Variants in RPAP2 observed in about 807,000 individuals in gnomAD.
RPAP2 encodes RNA polymerase II associated protein 2.
A neutral mutation model predicts 73.1 loss-of-function variants in RPAP2; 52 were observed. That is an observed-to-expected ratio of 0.71 (90% confidence interval 0.57 to 0.90). The LOEUF (loss-of-function observed/expected upper bound fraction) is 0.90, where lower values mean the gene tolerates loss of function less well. Ranked by LOEUF, RPAP2 falls within the 40% of genes least tolerant of loss-of-function variation. The pLI, the probability that RPAP2 is intolerant of heterozygous loss-of-function variation, is 0.00. For synonymous variants in RPAP2, 225 were observed against 242.1 expected, an observed-to-expected ratio of 0.93 and a Z score of 0.65; for missense variants, 598 against 701.8, an observed-to-expected ratio of 0.85 and a Z score of 1.67.
chr1:92,334,478 T>G (rs922625406), intron 9 of RPAP2, among the ~76,000 whole-genome samples: 23 of 152,172 alleles, frequency 1.5e-4, no homozygotes, highest in African/African-American at 5.3e-4. Flanking sequence ...CCTTTGTATT[T>G]AGAGATAAAA....
intron 12 of RPAP2, among the ~76,000 whole-genome samples, chr1:92,384,287 A>G (rs768517561): frequency 1.3e-5 from 2 of 152,048 alleles, no homozygotes; most frequent in African/African-American, 4.8e-5. Flanking sequence ...ATCTCTAAAT[A>G]TACAGGAAAG....
chr1:92,336,654 G>A (rs187526072), intron 10 of RPAP2, among the ~76,000 whole-genome samples: 279 of 151,946 alleles, frequency 1.8e-3, no homozygotes, highest in Admixed American at 5.6e-3. Context: ...GTTTATTTAC[G>A]GAATAGCCTA....
rs1650564309 is a variant in RPAP2 at position 92,299,083 on chromosome 1, T to A, written c.10T>A (p.Phe4Ile). 3 of 1,509,404 alleles carry A rather than the reference T, an allele frequency of 2.0e-6. No individual in the cohort carries two copies. Among genetic ancestry groups the A allele is most frequent in the Non-Finnish European group, 2.7e-6 (3 of 1,124,950 alleles). 93.5% of individuals were successfully genotyped at this position (1,509,404 alleles called of 1,614,324 possible). MAD[F>I]AGPSSAGRKA... ...CAGACTACTCTCCCCCATGGCGGACTTCGCTGGGCCGTCTTCTGCCGGCCG... is the reference window on the plus strand; with the variant it reads ...CAGACTACTCTCCCCCATGGCGGACATCGCTGGGCCGTCTTCTGCCGGCCG... The change falls in exon 1 of 13, where the codon TTC becomes ATC. Residue 4 changes from phenylalanine to isoleucine, a missense_variant. Phe to Ile is a conservative substitution (Grantham distance 21). Around this residue, in one of 3 missense-constraint regions of RPAP2, gnomAD observed 77 missense variants for 55.7 expected, o/e 1.38. Transcript: ENST00000610020.
At chr1:92,385,173 C>CAA (rs10708018) in intron 12 of RPAP2, among the ~76,000 whole-genome samples, 3 of 123,008 alleles carry the variant, frequency 2.4e-5, no homozygotes, top group Non-Finnish European at 3.5e-5. Flanking sequence ...GACCCTGTCT[C>CAA]AAAAAAAAAA....
intron 11 of RPAP2, among the ~76,000 whole-genome samples, chr1:92,346,549 A>G (rs1301620494): frequency 6.6e-6 from 1 of 152,208 alleles, no homozygotes; most frequent in Non-Finnish European, 1.5e-5. Flanking sequence ...AGTCTATTAT[A>G]TTAACATTGA....
At chr1:92,374,641 C>T (rs946610000) in intron 11 of RPAP2, among the ~76,000 whole-genome samples, 2 of 152,150 alleles carry the variant, frequency 1.3e-5, no homozygotes, top group Non-Finnish European at 2.9e-5. Context: ...TATAGTTGAT[C>T]AAAACCATAG....
intron 10 of RPAP2, among the ~76,000 whole-genome samples, chr1:92,339,596 A>T (rs926490157): frequency 6.6e-6 from 1 of 152,096 alleles, no homozygotes; most frequent in Non-Finnish European, 1.5e-5. Context: ...GGTAATAGTG[A>T]CATTTCTATT....
In RPAP2 at chr1:92,389,808, A is replaced by C. The variant is rs1353292418; in HGVS notation, c.*2797A>C. ...GAAAGGATATCAGTAACTGAAGATC[A>C]AATTAATGAAATAAAGCGAGAGGAC... is the stretch of plus-strand genomic sequence containing the variant. On this transcript the variant is annotated 3_prime_UTR_variant, in exon 13 of 13. Transcript: ENST00000610020. 1 of 152,236 alleles carries C rather than the reference A, an allele frequency of 6.6e-6. No individual in the cohort carries two copies. Among genetic ancestry groups the C allele is most frequent in the Non-Finnish European group, 1.5e-5 (1 of 68,042 alleles). The allele number at this position is 152,236 out of a possible 1,614,324, so 9.4% of individuals were successfully genotyped here. A position where few individuals can be genotyped will look rare whatever the true frequency, so the allele number is the denominator to read the frequency against.
chr1:92,319,553 C>T (rs1417023803), intron 6 of RPAP2, among the ~76,000 whole-genome samples: 1 of 151,982 alleles, frequency 6.6e-6, no homozygotes, highest in Admixed American at 6.6e-5. Context: ...CAGTGGGGAG[C>T]GAGGGGTTGT....
chr1:92,309,180 ACACCTGTAATCCC>A (rs1171911783), intron 6 of RPAP2, among the ~76,000 whole-genome samples: 1 of 152,134 alleles, frequency 6.6e-6, no homozygotes, highest in Non-Finnish European at 1.5e-5. Flanking sequence ...GTGGTGGCTT[ACACCTGTAATCCC>A]AGCACTTTGG....
Position 92,394,520 on chromosome 1 carries a change from C to A in RPAP2, c.*7509C>A, listed in dbSNP as rs1480240882. 1 of 152,020 alleles carries A rather than the reference C, an allele frequency of 6.6e-6. No homozygotes were observed. The allele number at this position is 152,020 out of a possible 1,614,324, so 9.4% of individuals were successfully genotyped here. ...TTTAAAAAACTAGCCAGGCATGGTG[C>A]TGCACACCTGTAGTCCCAGCTACTT... is the stretch of plus-strand genomic sequence containing the variant. On this transcript the variant is annotated 3_prime_UTR_variant, in exon 13 of 13. Coordinates refer to ENST00000610020, the MANE Select transcript of RPAP2 (RefSeq NM_024813.3).
At position 92,373,453 on chromosome 1, in the gene RPAP2, G is replaced by A. The variant is rs1299883822; in HGVS notation, c.1689-7271G>A. ...GCATCCTCCATCCGTAAGTGGTCCA[G>A]TATGTGAGAGATTTTTCATAGATCA... On this transcript the variant is annotated intron_variant, in intron 11 of 12. Transcript: ENST00000610020. Among the ~76,000 whole-genome samples, 4 of 152,118 alleles carry A rather than the reference G, an allele frequency of 2.6e-5. No individual in the cohort carries two copies. In the South Asian group the frequency reaches 6.2e-4, roughly 24 times the overall value.
chr1:92,353,331 A>G (rs1466645434), intron 11 of RPAP2, among the ~76,000 whole-genome samples: 1 of 152,180 alleles, frequency 6.6e-6, no homozygotes, highest in Non-Finnish European at 1.5e-5. Context: ...GGCTCCAAAG[A>G]TTGAACTTTA....
At chr1:92,351,238 C>A (rs1190511322) in intron 11 of RPAP2, among the ~76,000 whole-genome samples, 1 of 136,346 alleles carries the variant, frequency 7.3e-6, no homozygotes, top group Non-Finnish European at 1.5e-5. Context: ...ACCAGGGAGT[C>A]AGAGGTTGCA....
rs1448680958 is a variant in RPAP2, at chr1:92,299,110, A to G, written c.37A>G (p.Lys13Glu). 3 of 1,521,366 alleles carry G rather than the reference A, an allele frequency of 2.0e-6. No homozygotes were observed. In the East Asian group the frequency reaches 7.7e-5, roughly 39 times the overall value. 94.2% of individuals were successfully genotyped at this position (1,521,366 alleles called of 1,614,324 possible). ...CGCTGGGCCGTCTTCTGCCGGCCGC[A>G]AGGCCGGGGCTCCCCGCTGCTCTCG... ...DFAGPSSAGR[K>E]AGAPRCSRKA... is the part of the protein sequence containing the mutation. The change falls in exon 1 of 13, where the codon AAG (lysine) becomes GAG (glutamate). Residue 13 changes from lysine to glutamate, a missense_variant. Coordinates refer to ENST00000610020, the MANE Select transcript of RPAP2 (RefSeq NM_024813.3).
intron 11 of RPAP2, among the ~76,000 whole-genome samples, chr1:92,375,108 T>G (rs1473158851): frequency 1.3e-5 from 2 of 152,174 alleles, no homozygotes; most frequent in Non-Finnish European, 2.9e-5. Flanking sequence ...TAAATTACTT[T>G]GGAAATAAAA....
chr1:92,343,741 A>T (rs943131363), intron 10 of RPAP2, among the ~76,000 whole-genome samples: 1 of 84,588 alleles, frequency 1.2e-5, no homozygotes, highest in African/African-American at 3.0e-5. Flanking sequence ...AACAACAATT[A>T]TATATTAGAA....
In RPAP2 at chr1:92,395,395, G is replaced by A. The variant is rs200410296; in HGVS notation, c.*8384G>A. On this transcript the variant is annotated 3_prime_UTR_variant, in exon 13 of 13. Transcript: ENST00000610020. Reference sequence around the variant, plus strand: ...TCACATCTGAAATCCCTGCACTTTCGGAAGCCAAGGAGGGTGGACCACTTG... The same window carrying A: ...TCACATCTGAAATCCCTGCACTTTCAGAAGCCAAGGAGGGTGGACCACTTG... 5.3e-5 allele frequency: 8 copies of A among 151,972 alleles called. No homozygotes were observed. Among genetic ancestry groups the A allele is most frequent in the African/African-American group, 1.9e-4 (8 of 41,372 alleles). The allele number at this position is 151,972 out of a possible 1,614,324, so 9.4% of individuals were successfully genotyped here. A position where few individuals can be genotyped will look rare whatever the true frequency, so the allele number is the denominator to read the frequency against.
intron 6 of RPAP2, among the ~76,000 whole-genome samples, chr1:92,319,491 C>A (rs1169818772): frequency 6.6e-6 from 1 of 152,086 alleles, no homozygotes; most frequent in African/African-American, 2.4e-5. Flanking sequence ...GTCTGGCAGG[C>A]GCGGTGGCTC....
Sources: gnomAD v4.1 joint callset for allele counts (sites outside exome capture counted in the v4.1 genomes callset) on GRCh38, gnomAD v4.1.1 for gene constraint, gnomAD v4.1.1 regional missense constraint, MANE v1.5 for transcripts, NCBI Gene and HGNC (gene_info 2026-07-23, HGNC 2026-07-21) for gene names.